Variants in CACNA1A observed in about 807,000 individuals in gnomAD.
CACNA1A encodes the protein calcium voltage-gated channel subunit alpha1 A.
Under a neutral mutation model 262.4 loss-of-function variants are expected in CACNA1A, and 57 were observed. The ratio of observed to expected loss-of-function variants is 0.22; its 90% CI spans 0.18 to 0.27. The LOEUF (loss-of-function observed/expected upper bound fraction) is 0.27. CACNA1A is among the 10% of genes least tolerant of loss of function. The pLI, the probability that CACNA1A is intolerant of heterozygous loss-of-function variation, is 1.00. For synonymous variants in CACNA1A, 1,431 were observed against 1,419.3 expected (o/e 1.01, Z -0.18); for missense variants, 2,526 against 3,562.8 (o/e 0.71, Z 7.41).
Position 13,241,498 on chromosome 19 carries a change from C to G in CACNA1A, c.4950+3684G>C. On this transcript the variant is annotated intron_variant, in intron 31 of 46. Transcript: ENST00000360228. The surrounding 1 kb of genome is among the most constrained non-coding windows in gnomAD (Gnocchi z 4.0). ...TCACAGTTAATGTAAGGCATTTAGA[C>G]TTCAGAAAGAAGTAAGACCAACCGG... 4.5e-6 allele frequency: 6 copies of G among 1,343,596 alleles called. No individual in the cohort carries two copies. Among genetic ancestry groups the G allele is most frequent in the Non-Finnish European group, 5.9e-6 (6 of 1,015,924 alleles). The allele number at this position is 1,343,596 out of a possible 1,614,324, so 83.2% of individuals were successfully genotyped here. A position where few individuals can be genotyped will look rare whatever the true frequency, so the allele number is the denominator to read the frequency against.
At position 13,497,571 on chromosome 19, in the gene CACNA1A, T is replaced by A. The variant is rs1449575034; in HGVS notation, c.293+8361A>T. ...ATATATATATATATATATATATATA[T>A]ATATATATAAATTTATGTTGTTAAA... On this transcript the variant is annotated intron_variant, in intron 1 of 46. Transcript: ENST00000360228. Among the ~76,000 whole-genome samples the A allele has an allele frequency of 1.1e-3, 40 of 35,474 alleles. 7 individuals carry two copies. The highest frequency in any genetic ancestry group is 3.7e-3 in the African/African-American group (32 of 8,630). The allele number at this position is 35,474 out of a possible 152,430, so 23.3% of individuals were successfully genotyped here. A position where few individuals can be genotyped will look rare whatever the true frequency, so the allele number is the denominator to read the frequency against.
At chr19:13,395,609 C>G (rs2059795433) in intron 3 of CACNA1A, among the ~76,000 whole-genome samples, 1 of 141,590 alleles carries the variant, frequency 7.1e-6, no homozygotes, top group Non-Finnish European at 1.5e-5. Flanking sequence ...CAGACTCTGT[C>G]TCAAAAAAAA....
intron 45 of CACNA1A, 66 bp downstream of exon 45, chr19:13,209,246 C>T: frequency 1.4e-6 from 2 of 1,423,808 alleles, no homozygotes; most frequent in Non-Finnish European, 1.8e-6. Context: ...TCTCCTCCGC[C>T]CTGCCTTCTC....
chr19:13,353,592 T>C (rs996820202), intron 6 of CACNA1A, among the ~76,000 whole-genome samples: 13 of 152,244 alleles, frequency 8.5e-5, no homozygotes, highest in Non-Finnish European at 1.8e-4. Context: ...AGTTTTGTTC[T>C]AATTTTGTAA....
intron 24 of CACNA1A, among the ~76,000 whole-genome samples, chr19:13,271,026 C>T (rs1161605505): frequency 6.6e-6 from 1 of 152,134 alleles, no homozygotes; most frequent in Non-Finnish European, 1.5e-5. Flanking sequence ...AATGGATTTT[C>T]AAGAGTGAAG....
Position 13,212,588 on chromosome 19 carries a change from C to T in CACNA1A, c.6050+43G>A, listed in dbSNP as rs748781271. 19 of 1,509,954 alleles carry T rather than the reference C, an allele frequency of 1.3e-5. No individual in the cohort carries two copies. The highest frequency in any genetic ancestry group is 4.9e-5 in the East Asian group (2 of 41,070). 93.5% of individuals were successfully genotyped at this position (1,509,954 alleles called of 1,614,324 possible). A position where few individuals can be genotyped will look rare whatever the true frequency, so the allele number is the denominator to read the frequency against. On this transcript the variant is annotated intron_variant, in intron 41 of 46. Transcript: ENST00000360228. The surrounding 1 kb of genome is among the most constrained non-coding windows in gnomAD (Gnocchi z 5.6). ...GGCAGCTTCCAGAACGTGGGGACCACGGCACCCCCACACTCCACCTCCCTG... is the reference window on the plus strand; with the variant it reads ...GGCAGCTTCCAGAACGTGGGGACCATGGCACCCCCACACTCCACCTCCCTG...
In CACNA1A at chr19:13,497,566, A is replaced by T. The variant is rs1568710015; in HGVS notation, c.293+8366T>A. On this transcript the variant is annotated intron_variant, in intron 1 of 46. Transcript: ENST00000360228. The stretch of plus-strand genomic sequence containing the variant: ...TATATATATATATATATATATATAT[A>T]TATATATATATATAAATTTATGTTG... Among the ~76,000 whole-genome samples the T allele has an allele frequency of 8.1e-5, 3 of 36,970 alleles. 1 individual carries two copies. The highest frequency in any genetic ancestry group is 2.1e-4 in the African/African-American group (2 of 9,612). The allele number at this position is 36,970 out of a possible 152,430, so 24.3% of individuals were successfully genotyped here.
Position 13,253,339 on chromosome 19 carries a change from C to T in CACNA1A, c.4756-238G>A, listed in dbSNP as rs12610363. ...ACCTTTTTTTTTTTTTTTTGGTAGACGGGGTCTTCCTATTTTGCCCAGGCT... is the reference window on the plus strand; with the variant it reads ...ACCTTTTTTTTTTTTTTTTGGTAGATGGGGTCTTCCTATTTTGCCCAGGCT... On this transcript the variant is annotated intron_variant, in intron 29 of 46. Transcript: ENST00000360228. 0.085 allele frequency among the ~76,000 whole-genome samples: 12,374 copies of T among 146,436 alleles called. 769 individuals carry two copies. Among genetic ancestry groups the T allele is most frequent in the East Asian group, 0.38 (1,900 of 5,034 alleles).
chr19:13,235,561 T>C lies in CACNA1A; in HGVS notation c.5067+53A>G. 4 of 1,242,882 alleles carry C rather than the reference T, an allele frequency of 3.2e-6. No homozygotes were observed. In the Admixed American group the frequency reaches 6.8e-5, roughly 21 times the overall value. The allele number at this position is 1,242,882 out of a possible 1,614,324, so 77.0% of individuals were successfully genotyped here. A position where few individuals can be genotyped will look rare whatever the true frequency, so the allele number is the denominator to read the frequency against. On this transcript the variant is annotated intron_variant, in intron 32 of 46. Transcript: ENST00000360228. ...CTGACTTCTACATTCAGCCAGAGCA[T>C]GAGGGTCACCTGTCTTCTCAGCCCT... is the stretch of plus-strand genomic sequence containing the variant.
At chr19:13,301,106 C>G (rs1346582063) in intron 17 of CACNA1A, among the ~76,000 whole-genome samples, 1 of 151,618 alleles carries the variant, frequency 6.6e-6, no homozygotes, top group Non-Finnish European at 1.5e-5. Flanking sequence ...TGCCACTATG[C>G]CTGTATACAT....
intron 38 of CACNA1A, among the ~76,000 whole-genome samples, chr19:13,215,678 G>T (rs1164551414): frequency 6.8e-6 from 1 of 147,344 alleles, no homozygotes; most frequent in African/African-American, 2.5e-5. Flanking sequence ...GTGCAGTCAT[G>T]TGATCTCGAC....
intron 20 of CACNA1A, 109 bp from the exon 21 acceptor site, chr19:13,285,315 G>T: frequency 8.1e-7 from 1 of 1,235,788 alleles, no homozygotes; most frequent in Non-Finnish European, 1.1e-6. Flanking sequence ...TTTCTAAAGT[G>T]CCTGCTGTAT....
At chr19:13,439,691 G>A (rs535052082) in intron 3 of CACNA1A, among the ~76,000 whole-genome samples, 3 of 152,120 alleles carry the variant, frequency 2.0e-5, no homozygotes, top group Non-Finnish European at 2.9e-5. Context: ...GATTACAGGC[G>A]TGGGCCACCG....
chr19:13,409,016 G>C (rs548473055), intron 3 of CACNA1A, among the ~76,000 whole-genome samples: 1 of 152,340 alleles, frequency 6.6e-6, no homozygotes, highest in South Asian at 2.1e-4. Flanking sequence ...TCGTGACATA[G>C]CCTGGCTCGT....
chr19:13,349,007 CAAAA>C (rs60884577), intron 6 of CACNA1A, among the ~76,000 whole-genome samples: 16 of 59,680 alleles, frequency 2.7e-4, no homozygotes, highest in Non-Finnish European at 2.5e-4. Context: ...GACGCTGTCT[CAAAA>C]AAAAAAAAAA....
chr19:13,322,202 G>GAAA lies in CACNA1A; in HGVS notation c.1346-4884_1346-4882dup, dbSNP rs368879293. Among the ~76,000 whole-genome samples, 300 of 90,032 alleles carry GAAA rather than the reference G, an allele frequency of 3.3e-3. 10 individuals are homozygous for GAAA. The highest frequency in any genetic ancestry group is 0.011 in the African/African-American group (283 of 26,246). The allele number at this position is 90,032 out of a possible 152,430, so 59.1% of individuals were successfully genotyped here. A position where few individuals can be genotyped will look rare whatever the true frequency, so the allele number is the denominator to read the frequency against. On this transcript the variant is annotated intron_variant, in intron 10 of 46. Transcript: ENST00000360228. ...GGGTGATGGAGTGAGACTTGTCTCAGAAAAAAAAAAAAAAAAAAGAAATCG... is the reference window on the plus strand; with the variant it reads ...GGGTGATGGAGTGAGACTTGTCTCAGAAAAAAAAAAAAAAAAAAAAAGAAATCG...
At position 13,439,350 on chromosome 19, in the gene CACNA1A, C is replaced by A. The variant is rs142201969; in HGVS notation, c.539+13526G>T. On this transcript the variant is annotated intron_variant, in intron 3 of 46. Transcript: ENST00000360228. Reference sequence around the variant, plus strand: ...GTCTCGATTTCCTGACCTCGTGATTCGTTGCCCTCAAATCTTTGTCTCAGG... The same window carrying A: ...GTCTCGATTTCCTGACCTCGTGATTAGTTGCCCTCAAATCTTTGTCTCAGG... Among the ~76,000 whole-genome samples the A allele has an allele frequency of 4.1e-4, 59 of 143,420 alleles. No individual in the cohort carries two copies. In the Middle Eastern group the frequency reaches 0.013, roughly 31 times the overall value. The allele number at this position is 143,420 out of a possible 152,430, so 94.1% of individuals were successfully genotyped here.
At chr19:13,376,912 T>C (rs2059429330) in intron 3 of CACNA1A, among the ~76,000 whole-genome samples, 1 of 144,448 alleles carries the variant, frequency 6.9e-6, no homozygotes, top group South Asian at 2.2e-4. Context: ...ATATAATTTA[T>C]ATTACATATA....
Position 13,482,121 on chromosome 19 carries a change from C to A in CACNA1A, c.293+23811G>T, listed in dbSNP as rs567706455. 1.3e-4 allele frequency among the ~76,000 whole-genome samples: 20 copies of A among 152,182 alleles called. No homozygotes were observed. The South Asian group carries it at 4.1e-3, about 32-fold the overall frequency. On this transcript the variant is annotated intron_variant, in intron 1 of 46. Coordinates refer to ENST00000360228, the MANE Select transcript of CACNA1A (RefSeq NM_001127222.2). Reference sequence around the variant, plus strand: ...AGTAAGGGAGAAAAAAAGAAGAGAGCAGATACTGGCATGTAGAGGGAACTA... The same window carrying A: ...AGTAAGGGAGAAAAAAAGAAGAGAGAAGATACTGGCATGTAGAGGGAACTA...
Sources: allele counts gnomAD v4.1 joint callset (sites outside exome capture counted in the v4.1 genomes callset), GRCh38; gene constraint gnomAD v4.1.1; non-coding constraint Gnocchi (gnomAD v3.1); transcripts MANE v1.5; gene names NCBI Gene and HGNC (gene_info 2026-07-23, HGNC 2026-07-21).